The following FLVCR2 variants were observed in gnomAD, a reference collection of about 807,000 sequenced individuals.
The protein encoded by FLVCR2 is choline/ethanolamine transporter FLVCR2.
FLVCR2 carries 38 observed loss-of-function variants against 48.9 expected under a neutral mutation model. That is an observed-to-expected ratio of 0.78 (90% CI 0.60 to 1.02). FLVCR2 has a LOEUF of 1.02. Ranked by LOEUF, FLVCR2 falls within the 50% of genes least tolerant of loss-of-function variation. The pLI is 0.00. For synonymous variants in FLVCR2, 255 were observed against 257.0 expected (o/e 0.99, Z 0.07); for missense variants, 664 against 663.3 (o/e 1.00, Z -0.01).
At chr14:75,590,878 C>T (rs1888862000) in intron 1 of FLVCR2, among the ~76,000 whole-genome samples, 1 of 152,202 alleles carries the variant, frequency 6.6e-6, no homozygotes, top group South Asian at 2.1e-4. Flanking sequence ...TCCAATATTC[C>T]TTCATAGCAA....
rs774751082 is a variant in FLVCR2 at position 75,634,973 on chromosome 14, G to A, written c.1084G>A (p.Val362Met). The A allele has an allele frequency of 6.2e-7, 1 of 1,613,996 alleles. No homozygotes were observed. Among genetic ancestry groups the A allele is most frequent in the African/African-American group, 1.3e-5 (1 of 75,050 alleles). ...TIVIAGMLGA[V>M]ISGIWLDRSK... ...CGTCATTGCAGGAATGCTTGGGGCT[G>A]TGATCTCAGGAATCTGGCTGGATAG... Residue 362 changes from valine to methionine, a missense_variant, in exon 5 of 10, where the codon GTG becomes ATG. Transcript: ENST00000238667.
intron 9 of FLVCR2, 28 bp from the exon 10 acceptor site, chr14:75,646,373 A>G: frequency 6.3e-7 from 1 of 1,578,520 alleles, no homozygotes; most frequent in Non-Finnish European, 8.7e-7. Flanking sequence ...CTTTACCCAC[A>G]GCACTGCCTG....
rs1204369003 is a variant in FLVCR2 at position 75,639,352 on chromosome 14, A to T, written c.1125A>T (p.Lys375Asn). ...TCAATTTCTTTGCCTCTACTTGTAG[A>T]GAGACAACCCTGGTAGTCTATATCA... The part of the protein sequence containing the change: ...GIWLDRSKTY[K>N]ETTLVVYIMT... Residue 375 changes from lysine to asparagine, a missense_variant and splice_region_variant, in exon 6 of 10, where the codon AAA becomes AAT. By Grantham distance (94) the Lys-to-Asn change is moderately conservative. Coordinates refer to ENST00000238667, the MANE Select transcript of FLVCR2 (RefSeq NM_017791.3). 1 of 1,607,264 alleles carries T rather than the reference A, an allele frequency of 6.2e-7. No homozygotes were observed. The highest frequency in any genetic ancestry group is 8.5e-7 in the Non-Finnish European group (1 of 1,173,868).
intron 1 of FLVCR2, among the ~76,000 whole-genome samples, chr14:75,621,806 G>A (rs946711904): frequency 3.9e-5 from 6 of 152,136 alleles, no homozygotes; most frequent in African/African-American, 1.4e-4. Context: ...TCATCAATTT[G>A]CAGCTAGAGA....
At chr14:75,605,540 A>G in intron 1 of FLVCR2, 2 of 1,535,926 alleles carry the variant, frequency 1.3e-6, no homozygotes, top group Non-Finnish European at 1.7e-6. Flanking sequence ...CTCTCACCCC[A>G]ACACAATTCA....
chr14:75,586,533 T>C (rs151238503), intron 1 of FLVCR2, among the ~76,000 whole-genome samples: 2 of 152,198 alleles, frequency 1.3e-5, no homozygotes, highest in Admixed American at 1.3e-4. Flanking sequence ...TTTTCTCCTA[T>C]CTATTAATTT....
intron 1 of FLVCR2, among the ~76,000 whole-genome samples, chr14:75,612,643 G>T (rs150408316): frequency 6.6e-6 from 1 of 152,162 alleles, no homozygotes; most frequent in Non-Finnish European, 1.5e-5. Flanking sequence ...ATCGGTTACC[G>T]TGGAGCCGCC....
intron 6 of FLVCR2, among the ~76,000 whole-genome samples, chr14:75,640,529 C>T (rs923886720): frequency 6.6e-6 from 1 of 152,120 alleles, no homozygotes; most frequent in African/African-American, 2.4e-5. Context: ...AAGGAGGACT[C>T]TAAGCTCCTC....
chr14:75,624,403 GA>G (rs1889844561), intron 2 of FLVCR2, among the ~76,000 whole-genome samples: 1 of 151,922 alleles, frequency 6.6e-6, no homozygotes. Context: ...ATAAAAAAGT[GA>G]ATGGTATCAA....
chr14:75,645,030 C>CAT (rs1292566983), intron 9 of FLVCR2, among the ~76,000 whole-genome samples: 2 of 100,872 alleles, frequency 2.0e-5, no homozygotes, highest in African/African-American at 8.4e-5. Flanking sequence ...AGGAGGCGGG[C>CAT]GTGGTGTGTG....
chr14:75,579,506 G>A lies in FLVCR2; in HGVS notation c.534G>A (p.Pro178=), dbSNP rs912737110. 4 of 1,612,596 alleles carry A rather than the reference G, an allele frequency of 2.5e-6. No homozygotes were observed. The highest frequency in any genetic ancestry group is 3.3e-5 in the Admixed American group (2 of 59,962). Residue 178 remains proline (P), a synonymous_variant, in exon 1 of 10, where the codon CCG becomes CCA. Coordinates refer to ENST00000238667, the MANE Select transcript of FLVCR2 (RefSeq NM_017791.3). ...KLGSLKPHLF[P]VTVVGQLICS... Reference sequence around the variant, plus strand: ...GCAGCCTGAAGCCGCATCTCTTTCCGGTCACCGTGGTGGGCCAGCTCATCT... The same window carrying A: ...GCAGCCTGAAGCCGCATCTCTTTCCAGTCACCGTGGTGGGCCAGCTCATCT...
At chr14:75,624,476 T>G (rs1242473324) in intron 2 of FLVCR2, 136 bp from the exon 3 acceptor site, 2 of 1,015,570 alleles carry the variant, frequency 2.0e-6, no homozygotes, top group African/African-American at 1.6e-5. Flanking sequence ...TGTTAAGGGT[T>G]TAATTAAAGA....
chr14:75,591,759 T>G lies in FLVCR2; in HGVS notation c.669+12118T>G, dbSNP rs1888886460. 2.6e-5 allele frequency among the ~76,000 whole-genome samples: 4 copies of G among 151,650 alleles called. No individual in the cohort carries two copies. The South Asian group carries it at 8.3e-4, about 32-fold the overall frequency. On this transcript the variant is annotated intron_variant, in intron 1 of 9. Coordinates refer to ENST00000238667, the MANE Select transcript of FLVCR2 (RefSeq NM_017791.3). ...GGCTGTCTGTGGTGGCTCCCCCACA[T>G]GGCAGGTTTCTGCCTAGGCTCCCAG...
chr14:75,632,236 C>A (rs1371933681), intron 3 of FLVCR2, among the ~76,000 whole-genome samples: 1 of 152,190 alleles, frequency 6.6e-6, no homozygotes, highest in African/African-American at 2.4e-5. Context: ...CAAATTATTT[C>A]CCATTTTGCA....
At chr14:75,608,193 G>T (rs1385327346) in intron 1 of FLVCR2, among the ~76,000 whole-genome samples, 1 of 152,198 alleles carries the variant, frequency 6.6e-6, no homozygotes, top group East Asian at 1.9e-4. Context: ...CAGCACTCCT[G>T]CCTTTACACC....
At chr14:75,590,984 G>A (rs1025426202) in intron 1 of FLVCR2, among the ~76,000 whole-genome samples, 3 of 152,216 alleles carry the variant, frequency 2.0e-5, no homozygotes, top group Non-Finnish European at 4.4e-5. Context: ...TTCCAGGTAT[G>A]AGCTTATAAA....
intron 1 of FLVCR2, among the ~76,000 whole-genome samples, chr14:75,595,514 T>A (rs1025101476): frequency 1.3e-5 from 2 of 152,224 alleles, no homozygotes; most frequent in African/African-American, 4.8e-5. Flanking sequence ...GTCAGCCTAG[T>A]CTTGTTCCAA....
chr14:75,602,556 G>A (rs905235621), intron 1 of FLVCR2, among the ~76,000 whole-genome samples: 2 of 151,912 alleles, frequency 1.3e-5, no homozygotes, highest in Non-Finnish European at 2.9e-5. Flanking sequence ...AAATCCCAAG[G>A]ATTTTTGTAG....
At chr14:75,623,679 G>A (rs1290709539) in intron 2 of FLVCR2, among the ~76,000 whole-genome samples, 5 of 152,006 alleles carry the variant, frequency 3.3e-5, no homozygotes, top group Middle Eastern at 6.8e-3. Flanking sequence ...GTTATTTGCT[G>A]GTTATTATGA....
Sources: gnomAD v4.1 joint callset for allele counts (sites outside exome capture counted in the v4.1 genomes callset) on GRCh38, gnomAD v4.1.1 for gene constraint, MANE v1.5 for transcripts, NCBI Gene and HGNC (gene_info 2026-07-23, HGNC 2026-07-21) for gene names.